RXFP1: variants seen among roughly 807,000 people sequenced by gnomAD.
RXFP1 encodes the protein relaxin receptor 1.
RXFP1 carries 73 observed loss-of-function variants against 89.8 expected under a neutral mutation model. The observed-to-expected ratio is 0.81, with a 90% CI of 0.67 to 0.99. RXFP1 has a LOEUF of 0.99. Ranked by LOEUF, RXFP1 falls within the 50% of genes least tolerant of loss-of-function variation. The pLI, the probability that RXFP1 is intolerant of heterozygous loss-of-function variation, is 0.00. For synonymous variants in RXFP1, 277 were observed against 305.5 expected, an observed-to-expected ratio of 0.91 and a Z score of 0.97; for missense variants, 793 against 895.5, an observed-to-expected ratio of 0.89 and a Z score of 1.46.
At chr4:158,568,331 T>G (rs1354228637) in intron 1 of RXFP1, among the ~76,000 whole-genome samples, 2 of 152,226 alleles carry the variant, frequency 1.3e-5, no homozygotes, top group East Asian at 3.8e-4. Flanking sequence ...ATATAAATTT[T>G]AAAGACTGGA....
At chr4:158,592,211 C>T (rs1759617464) in intron 2 of RXFP1, among the ~76,000 whole-genome samples, 1 of 151,886 alleles carries the variant, frequency 6.6e-6, no homozygotes, top group Non-Finnish European at 1.5e-5. Flanking sequence ...CTTTAGATAC[C>T]ATGGTGCCTT....
intron 2 of RXFP1, among the ~76,000 whole-genome samples, chr4:158,581,055 G>A (rs2150028004): frequency 6.6e-6 from 1 of 152,272 alleles, no homozygotes; most frequent in South Asian, 2.1e-4. Context: ...CTCCCAAAGT[G>A]CTGGGATTGC....
chr4:158,644,528 A>G (rs1771134505), intron 14 of RXFP1, among the ~76,000 whole-genome samples: 1 of 152,188 alleles, frequency 6.6e-6, no homozygotes, highest in East Asian at 1.9e-4. Context: ...CCCCTGAGGG[A>G]TAGAAAGCAG....
intron 9 of RXFP1, among the ~76,000 whole-genome samples, chr4:158,622,762 T>C (rs1765863952): frequency 6.6e-6 from 1 of 152,130 alleles, no homozygotes; most frequent in African/African-American, 2.4e-5. Flanking sequence ...AGTTATGAGA[T>C]GAATAAGCAT....
intron 2 of RXFP1, among the ~76,000 whole-genome samples, chr4:158,589,356 C>G (rs1174976035): frequency 6.6e-6 from 1 of 152,158 alleles, no homozygotes; most frequent in Non-Finnish European, 1.5e-5. Context: ...TTTCTACTTC[C>G]TGGTCTAATG....
intron 1 of RXFP1, among the ~76,000 whole-genome samples, chr4:158,550,983 GA>G (rs561213531): frequency 7.9e-4 from 116 of 146,688 alleles, no homozygotes; most frequent in Admixed American, 1.0e-3. Context: ...AAAACATGAA[GA>G]AAAAAAAAAG....
chr4:158,549,790 T>C (rs1212864038), intron 1 of RXFP1, among the ~76,000 whole-genome samples: 1 of 152,244 alleles, frequency 6.6e-6, no homozygotes, highest in Non-Finnish European at 1.5e-5. Context: ...CAAATGCTGC[T>C]GCCTGATTGT....
At chr4:158,620,684 G>A (rs1321367133) in intron 9 of RXFP1, among the ~76,000 whole-genome samples, 3 of 152,048 alleles carry the variant, frequency 2.0e-5, no homozygotes, top group Admixed American at 6.6e-5. Context: ...GGGATAAAGA[G>A]CGATATCATA....
At chr4:158,641,488 C>T (rs1186641216) in intron 14 of RXFP1, among the ~76,000 whole-genome samples, 1 of 152,168 alleles carries the variant, frequency 6.6e-6, no homozygotes, top group African/African-American at 2.4e-5. Context: ...TACTATAATT[C>T]TGTTGATAAA....
At chr4:158,542,971 G>A (rs7661821) in intron 1 of RXFP1, among the ~76,000 whole-genome samples, 29,390 of 152,116 alleles carry the variant, frequency 0.19, 3,728 homozygotes, top group African/African-American at 0.34. Flanking sequence ...GTGGAGGGTG[G>A]GAGGAGGGAG....
chr4:158,648,668 A>T lies in RXFP1; in HGVS notation c.1926A>T (p.Ile642=). ...FIVFTDALCW[I]PIFVVKFLSL... is the part of the protein sequence containing the mutation. ...TATTTACTGATGCATTATGCTGGAT[A>T]CCCATTTTTGTAGTGAAATTTCTTT... Residue 642 remains isoleucine, a synonymous_variant, in exon 17 of 18, where the codon ATA becomes ATT. Transcript: ENST00000307765. 1 of 1,611,146 alleles carries T rather than the reference A, an allele frequency of 6.2e-7. No individual in the cohort carries two copies.
chr4:158,561,683 A>C (rs913972752), intron 1 of RXFP1, among the ~76,000 whole-genome samples: 1 of 132,794 alleles, frequency 7.5e-6, no homozygotes, highest in Admixed American at 8.9e-5. Context: ...GCTGGAGTGC[A>C]GTGGTGTGAT....
intron 1 of RXFP1, among the ~76,000 whole-genome samples, chr4:158,561,300 A>G (rs1342284936): frequency 6.6e-6 from 1 of 152,250 alleles, no homozygotes; most frequent in Non-Finnish European, 1.5e-5. Flanking sequence ...AAATGTTTCA[A>G]ACTCTGAAAC....
At position 158,523,452 on chromosome 4, in the gene RXFP1, C is replaced by T. The variant is rs55822924; in HGVS notation, c.49+1427C>T. ...GTTAGGAAAAAAATTCCATGTTTACCTGTACCCTTTTGTTAATAAATTATT... is the reference window on the plus strand; with the variant it reads ...GTTAGGAAAAAAATTCCATGTTTACTTGTACCCTTTTGTTAATAAATTATT... On this transcript the variant is annotated intron_variant, in intron 1 of 17. Transcript: ENST00000307765. Among the ~76,000 whole-genome samples the T allele has an allele frequency of 2.0e-5, 3 of 152,130 alleles. No homozygotes were observed. In the East Asian group the frequency reaches 5.8e-4, roughly 29 times the overall value.
intron 5 of RXFP1, chr4:158,607,240 G>T: frequency 1.3e-6 from 1 of 766,160 alleles, no homozygotes; most frequent in East Asian, 2.7e-5. Context: ...CGTATTTTCA[G>T]TATTACTTTA....
intron 2 of RXFP1, 25 bp from the exon 3 acceptor site, chr4:158,593,376 T>C: frequency 2.7e-6 from 4 of 1,501,854 alleles, no homozygotes; most frequent in Non-Finnish European, 3.7e-6. Flanking sequence ...CCTTGAACTT[T>C]TTTGTTCTCT....
At chr4:158,581,950 T>C (rs1301226582) in intron 2 of RXFP1, among the ~76,000 whole-genome samples, 1 of 152,148 alleles carries the variant, frequency 6.6e-6, no homozygotes, top group African/African-American at 2.4e-5. Context: ...AAAGATTACA[T>C]AGCGAGAGAG....
chr4:158,651,371 T>C (rs1772698227), intron 17 of RXFP1, among the ~76,000 whole-genome samples: 1 of 152,200 alleles, frequency 6.6e-6, no homozygotes, highest in African/African-American at 2.4e-5. Flanking sequence ...TATGCACCAT[T>C]AAAATACTCA....
At chr4:158,628,131 C>A (rs1767270735) in intron 10 of RXFP1, among the ~76,000 whole-genome samples, 1 of 152,102 alleles carries the variant, frequency 6.6e-6, no homozygotes, top group Non-Finnish European at 1.5e-5. Flanking sequence ...GAGATCAGTG[C>A]AGAAATGTCA....
Sources: allele counts gnomAD v4.1 joint callset (sites outside exome capture counted in the v4.1 genomes callset), GRCh38; gene constraint gnomAD v4.1.1; transcripts MANE v1.5; gene names NCBI Gene and HGNC (gene_info 2026-07-23, HGNC 2026-07-21).